Variants in VILL observed in about 807,000 individuals in gnomAD.
The protein encoded by VILL is villin like.
A neutral mutation model predicts 106.3 loss-of-function variants in VILL; 102 were observed. The observed-to-expected ratio is 0.96, with a 90% CI of 0.82 to 1.13. VILL has a LOEUF of 1.13. VILL is among the 50% of genes most tolerant of loss of function. The probability of loss-of-function intolerance (pLI) is 0.00; values close to 1 mark genes in which losing one functional copy is unlikely to be tolerated. For synonymous variants in VILL, 431 were observed against 440.3 expected (o/e 0.98, Z 0.27); for missense variants, 1,076 against 1,116.6 (o/e 0.96, Z 0.52).
intron 14 of VILL, 95 bp from the exon 15 acceptor site, chr3:38,003,073 C>A: frequency 1.4e-6 from 2 of 1,476,988 alleles, no homozygotes; most frequent in Non-Finnish European, 1.8e-6. Flanking sequence ...GTGACTTGGG[C>A]CCAGCCCCAC....
At position 37,993,601 on chromosome 3, in the gene VILL, A is replaced by G. The variant is rs562353353; in HGVS notation, c.-72A>G. 2.5e-4 allele frequency: 358 copies of G among 1,449,376 alleles called. No homozygotes were observed. Among genetic ancestry groups the G allele is most frequent in the Non-Finnish European group, 3.0e-4 (316 of 1,038,866 alleles). The allele number at this position is 1,449,376 out of a possible 1,614,324, so 89.8% of individuals were successfully genotyped here. The stretch of plus-strand genomic sequence containing the variant: ...CTATAATGAAGTTGTACAGGTAGCC[A>G]GGTGTCGGTCTCCAGCCTGAGAACT... On this transcript the variant is annotated 5_prime_UTR_variant, in exon 2 of 20. Transcript: ENST00000383759.
upstream of VILL, among the ~76,000 whole-genome samples, chr3:37,990,322 C>T (rs935209599): frequency 2.0e-5 from 3 of 152,160 alleles, no homozygotes; most frequent in Non-Finnish European, 4.4e-5. The surrounding 1 kb of genome is among the most constrained non-coding windows in gnomAD (Gnocchi z 5.1). Flanking sequence ...GGAGCCCTGA[C>T]CACCTTCCCC....
upstream of VILL, among the ~76,000 whole-genome samples, chr3:37,990,046 CTGGCTGGGCCT>C (rs1290415143): frequency 1.3e-5 from 2 of 152,208 alleles, no homozygotes; most frequent in Non-Finnish European, 2.9e-5. The surrounding 1 kb of genome is among the most constrained non-coding windows in gnomAD (Gnocchi z 5.1). Context: ...ATGGCCCACG[CTGGCTGGGCCT>C]TGGCTGGGAC....
In VILL at chr3:38,001,489, G is replaced by A. The variant is rs767178562; in HGVS notation, c.1216G>A (p.Val406Met). Reference protein sequence around the residue: ...WCIQDLHRQPVDPKRHGQLCA... With the variant: ...WCIQDLHRQPMDPKRHGQLCA... Reference sequence around the variant, plus strand: ...CATCCAGGACTTACACAGGCAGCCCGTGGACCCCAAGCGTCATGGACAGCT... The same window carrying A: ...CATCCAGGACTTACACAGGCAGCCCATGGACCCCAAGCGTCATGGACAGCT... The change falls in exon 12 of 20, where the codon GTG (valine) becomes ATG (methionine). Residue 406 changes from valine to methionine, a missense_variant. Val to Met is a conservative substitution (Grantham distance 21, BLOSUM62 1). Transcript: ENST00000383759. 11 of 1,614,082 alleles carry A rather than the reference G, an allele frequency of 6.8e-6. No individual in the cohort carries two copies. Among genetic ancestry groups the A allele is most frequent in the African/African-American group, 2.7e-5 (2 of 74,942 alleles).
chr3:38,002,406 G>A lies in VILL; in HGVS notation c.1490G>A (p.Gly497Glu), dbSNP rs1699834599. 1.2e-6 allele frequency: 2 copies of A among 1,611,968 alleles called. No individual in the cohort carries two copies. The highest frequency in any genetic ancestry group is 1.3e-5 in the African/African-American group (1 of 74,874). ...GQLVIFQERA[G>E]HHGKGQSAST... Reference sequence around the variant, plus strand: ...CTTGCTCTCCTATAGGAGAGAGCTGGGCACCATGGAAAGGGGCAGTCAGCA... The same window carrying A: ...CTTGCTCTCCTATAGGAGAGAGCTGAGCACCATGGAAAGGGGCAGTCAGCA... Residue 497 changes from glycine (G) to glutamate (E), a missense_variant, in exon 14 of 20, where the codon GGG (glycine) becomes GAG (glutamate). Transcript: ENST00000383759.
rs79162067 is a variant in VILL at position 38,000,953 on chromosome 3, G to A, written c.1183-503G>A. 2,962 of 457,256 alleles carry A rather than the reference G, an allele frequency of 6.5e-3. 72 individuals are homozygous for A. The East Asian group carries it at 0.084, about 13-fold the overall frequency. 28.3% of individuals were successfully genotyped at this position (457,256 alleles called of 1,614,324 possible). A position where few individuals can be genotyped will look rare whatever the true frequency, so the allele number is the denominator to read the frequency against. The stretch of plus-strand genomic sequence containing the variant: ...CCTGGGATTTGACCAGAGTCCGCCT[G>A]GCTCCAGGCTCTGCCACCCACAGGA... On this transcript the variant is annotated intron_variant, in intron 11 of 19. Transcript: ENST00000383759.
intron 11 of VILL, chr3:38,001,022 A>G: frequency 2.2e-6 from 1 of 462,510 alleles, no homozygotes. Context: ...TTTCCCCTTC[A>G]GTCTTTGAAC....
At chr3:38,004,434 ACGGGGGTG>A in intron 16 of VILL, 35 bp downstream of exon 16, 1 of 1,590,902 alleles carries the variant, frequency 6.3e-7, no homozygotes. Context: ...GGGGCTGTGA[ACGGGGGTG>A]TGTTTCTGTT....
At chr3:37,991,902 TGGA>T (rs995120174) in intron 1 of VILL, among the ~76,000 whole-genome samples, 28 of 152,056 alleles carry the variant, frequency 1.8e-4, no homozygotes, top group Non-Finnish European at 3.7e-4. Context: ...CATTCCTCCC[TGGA>T]GTCCAGGTGA....
chr3:38,001,913 A>T lies in VILL; in HGVS notation c.1479+53A>T, dbSNP rs777391912. 15 of 1,611,858 alleles carry T rather than the reference A, an allele frequency of 9.3e-6. No individual in the cohort carries two copies. The East Asian group carries it at 3.3e-4, about 36-fold the overall frequency. ...CAGCCTGCCCAGTTCTGCATGGGCC[A>T]TGGCCCCCGCACACACTTCTAAGCA... On this transcript the variant is annotated intron_variant, in intron 13 of 19. Transcript: ENST00000383759.
Position 37,993,736 on chromosome 3 carries a change from A to G in VILL, c.60+4A>G, listed in dbSNP as rs1699645552. 1.2e-6 allele frequency: 2 copies of G among 1,613,878 alleles called. No individual in the cohort carries two copies. Among genetic ancestry groups the G allele is most frequent in the Non-Finnish European group, 8.5e-7 (1 of 1,179,934 alleles). ...CCTCCACATATGGATCTCTGAGGTG[A>G]GAGGCACGACCAAATAGGAGAGTTG... On this transcript the variant is annotated splice_donor_region_variant and intron_variant, in intron 2 of 19. Coordinates refer to ENST00000383759, the MANE Select transcript of VILL (RefSeq NM_015873.4).
At chr3:38,006,078 G>A (rs1699914294) in intron 17 of VILL, 103 bp from the exon 18 acceptor site, 3 of 1,594,486 alleles carry the variant, frequency 1.9e-6, no homozygotes, top group African/African-American at 1.3e-5. Context: ...GGGATTGCCA[G>A]TGTGTGCGAG....
intron 15 of VILL, chr3:38,003,557 C>T (rs1699860230): frequency 3.9e-6 from 2 of 519,440 alleles, no homozygotes; most frequent in Non-Finnish European, 6.9e-6. Context: ...GCAGCATCCC[C>T]TCCCTGCATT....
rs548698448 is a variant in VILL, at chr3:37,998,706, C to T, written c.943-206C>T. Among the ~76,000 whole-genome samples, 1 of 152,246 alleles carries T rather than the reference C, an allele frequency of 6.6e-6. No homozygotes were observed. The highest frequency in any genetic ancestry group is 1.5e-5 in the Non-Finnish European group (1 of 68,016). On this transcript the variant is annotated intron_variant, in intron 9 of 19. Coordinates refer to ENST00000383759, the MANE Select transcript of VILL (RefSeq NM_015873.4). The surrounding 1 kb of genome is among the most constrained non-coding windows in gnomAD (Gnocchi z 4.1). Reference sequence around the variant, plus strand: ...GTGAGGGTTGACATGGCCTGTCCTGCACGAGGCCTAGACTAAGGGGGCCCT... The same window carrying T: ...GTGAGGGTTGACATGGCCTGTCCTGTACGAGGCCTAGACTAAGGGGGCCCT...
upstream of VILL, among the ~76,000 whole-genome samples, chr3:37,990,453 G>A (rs573968738): frequency 5.9e-5 from 9 of 152,272 alleles, no homozygotes; most frequent in South Asian, 1.7e-3. The surrounding 1 kb of genome is among the most constrained non-coding windows in gnomAD (Gnocchi z 5.1). Flanking sequence ...CCACCACTCC[G>A]GGTGAGGGAT....
At chr3:37,993,286 A>AT (rs1270747267) in intron 1 of VILL, 2 of 223,754 alleles carry the variant, frequency 8.9e-6, no homozygotes, top group African/African-American at 4.6e-5. Flanking sequence ...CTGTGTTTAT[A>AT]CAGAGTTCAG....
At position 37,998,634 on chromosome 3, in the gene VILL, T is replaced by A. The variant is rs1000810317; in HGVS notation, c.942+270T>A. On this transcript the variant is annotated intron_variant, in intron 9 of 19. Coordinates refer to ENST00000383759, the MANE Select transcript of VILL (RefSeq NM_015873.4). This position sits in a 1 kb window ranked among gnomAD's most constrained non-coding sequence, Gnocchi z 4.1. The stretch of plus-strand genomic sequence containing the variant: ...CTACTGACTGGGCGGTCCCGCTTTC[T>A]GAGGGTGGGGCTGGGGAGGAGACAG... Among the ~76,000 whole-genome samples, 1 of 152,064 alleles carries A rather than the reference T, an allele frequency of 6.6e-6. No homozygotes were observed. Among genetic ancestry groups the A allele is most frequent in the Non-Finnish European group, 1.5e-5 (1 of 67,996 alleles).
In VILL at chr3:37,999,329, C is replaced by A; in HGVS notation, c.1082-10C>A. 1 of 1,508,386 alleles carries A rather than the reference C, an allele frequency of 6.6e-7. No individual in the cohort carries two copies. Among genetic ancestry groups the A allele is most frequent in the Non-Finnish European group, 8.8e-7 (1 of 1,130,214 alleles). The allele number at this position is 1,508,386 out of a possible 1,614,324, so 93.4% of individuals were successfully genotyped here. A position where few individuals can be genotyped will look rare whatever the true frequency, so the allele number is the denominator to read the frequency against. ...GAGGGCGCCACTGACGCCTACTGTC[C>A]CCCCTTCAGATAAATCGATTCATGT... On this transcript the variant is annotated splice_polypyrimidine_tract_variant and intron_variant, in intron 10 of 19. Transcript: ENST00000383759.
intron 11 of VILL, among the ~76,000 whole-genome samples, chr3:38,000,107 T>C (rs1699785646): frequency 6.6e-6 from 1 of 152,248 alleles, no homozygotes; most frequent in African/African-American, 2.4e-5. Flanking sequence ...GGTCAGAAAC[T>C]GTGGTCCCAT....
Sources: gnomAD v4.1 joint callset for allele counts (sites outside exome capture counted in the v4.1 genomes callset) on GRCh38, gnomAD v4.1.1 for gene constraint, Gnocchi (gnomAD v3.1) non-coding constraint, MANE v1.5 for transcripts, NCBI Gene and HGNC (gene_info 2026-07-23, HGNC 2026-07-21) for gene names.